The following PREX1 variants were observed in gnomAD, a reference collection of about 807,000 sequenced individuals.
PREX1 encodes the protein phosphatidylinositol 3,4,5-trisphosphate-dependent Rac exchanger 1 protein.
In PREX1, 41 loss-of-function variants were observed where a neutral mutation model predicts 198.3. The ratio of observed to expected loss-of-function variants is 0.21; its 90% CI spans 0.16 to 0.27. PREX1 has a LOEUF of 0.27. Ranked by LOEUF, PREX1 falls within the 10% of genes least tolerant of loss-of-function variation. The pLI, the probability that PREX1 is intolerant of heterozygous loss-of-function variation, is 1.00. For missense variants in PREX1, 1,620 were observed against 2,200.7 expected (o/e 0.74, Z 5.28); for synonymous variants, 843 against 887.2 (o/e 0.95, Z 0.89).
rs1238764997 is a variant in PREX1 at position 48,629,517 on chromosome 20, G to A, written c.4698C>T (p.Pro1566=). ...GGCGGTAGCAGAGCTCCGAGGAGAT[G>A]GGGATGAGGCCGGCGCCCACACTCC... The part of the protein sequence containing the change: ...AAGSVGAGLI[P]ISSELCYRLG... The change falls in exon 37 of 40, where the codon CCC becomes CCT. Residue 1566 remains proline (P), a synonymous_variant. Transcript: ENST00000371941. The A allele has an allele frequency of 6.2e-7, 1 of 1,614,000 alleles. No individual in the cohort carries two copies. Among genetic ancestry groups the A allele is most frequent in the Non-Finnish European group, 8.5e-7 (1 of 1,179,966 alleles).
At chr20:48,694,897 C>G (rs1397201269) in intron 7 of PREX1, among the ~76,000 whole-genome samples, 7 of 152,098 alleles carry the variant, frequency 4.6e-5, no homozygotes, top group Non-Finnish European at 1.0e-4. Flanking sequence ...GGACTAGAAC[C>G]AGAGGGGAGA....
chr20:48,881,548 A>G, the PREX1 span, among the ~76,000 whole-genome samples: 5 of 150,068 alleles, frequency 3.3e-5, no homozygotes, highest in African/African-American at 4.9e-5. Context: ...GTGCAATGGT[A>G]CGATCTCAGC....
rs1271901667 is a variant in PREX1, at chr20:48,827,349, T to C, written c.219+293A>G. Among the ~76,000 whole-genome samples the C allele has an allele frequency of 6.6e-6, 1 of 151,964 alleles. No homozygotes were observed. The highest frequency in any genetic ancestry group is 2.4e-5 in the African/African-American group (1 of 41,398). ...CCCCTGCATCGCGGATGTAACTAAT[T>C]TTAAAACTATTTGAAAGGCGGGGAC... On this transcript the variant is annotated intron_variant, in intron 1 of 39. Transcript: ENST00000371941. This position sits in a 1 kb window ranked among gnomAD's most constrained non-coding sequence, Gnocchi z 4.1.
chr20:48,710,335 C>A (rs1320328711), intron 5 of PREX1, among the ~76,000 whole-genome samples: 1 of 152,216 alleles, frequency 6.6e-6, no homozygotes, highest in African/African-American at 2.4e-5. Context: ...GGGCAAAGAA[C>A]AAGATGGTCC....
rs1168247790 is a variant in PREX1, at chr20:48,661,419, CA to C, written c.1739-1359del. 0.01 allele frequency among the ~76,000 whole-genome samples: 123 copies of C among 11,998 alleles called. No individual in the cohort carries two copies. In the East Asian group the frequency reaches 0.12, roughly 12 times the overall value. 7.9% of individuals were successfully genotyped at this position (11,998 alleles called of 152,430 possible). On this transcript the variant is annotated intron_variant, in intron 15 of 39. Coordinates refer to ENST00000371941, the MANE Select transcript of PREX1 (RefSeq NM_020820.4). ...GGGCAACAAGAGCAAAACTCCATCTCAAAAAAAAAAAAAAAAAAAAAAAAAA... is the reference window on the plus strand; with the variant it reads ...GGGCAACAAGAGCAAAACTCCATCTCAAAAAAAAAAAAAAAAAAAAAAAAA...
the PREX1 span, among the ~76,000 whole-genome samples, chr20:48,843,706 G>A: frequency 6.6e-6 from 1 of 152,190 alleles, no homozygotes; most frequent in African/African-American, 2.4e-5. Context: ...CAGTGAGAAA[G>A]CTGTTCTAAG....
At chr20:48,828,094 C>T (rs1348801119), upstream of PREX1, among the ~76,000 whole-genome samples, 1 of 148,254 alleles carries the variant, frequency 6.7e-6, no homozygotes, top group Non-Finnish European at 1.5e-5. Flanking sequence ...GACGGCTGGC[C>T]CCCCGCCCCC....
At position 48,692,676 on chromosome 20, in the gene PREX1, C is replaced by T. The variant is rs1217411822; in HGVS notation, c.1032G>A (p.Gly344=). 1.2e-6 allele frequency: 2 copies of T among 1,613,534 alleles called. No individual in the cohort carries two copies. The highest frequency in any genetic ancestry group is 1.7e-6 in the Non-Finnish European group (2 of 1,179,646). The change falls in exon 8 of 40, where the codon GGG becomes GGA. Residue 344 remains glycine (G), a synonymous_variant. Transcript: ENST00000371941. ...EVMEVENVED[G]TADYHSNGYT... ...CAAGGCTGGGGGAGGGGCTACCTGT[C>T]CCATCTTCCACATTCTCCACCTCCA... is the stretch of plus-strand genomic sequence containing the variant.
chr20:48,849,942 G>A, the PREX1 span, among the ~76,000 whole-genome samples: 6 of 152,100 alleles, frequency 3.9e-5, no homozygotes, highest in Non-Finnish European at 5.9e-5. Flanking sequence ...AGATGTTCTG[G>A]GTTCATATCA....
At chr20:48,637,623 C>T in intron 31 of PREX1, 88 bp downstream of exon 31, 3 of 1,329,848 alleles carry the variant, frequency 2.3e-6, no homozygotes, top group Middle Eastern at 2.7e-4. Context: ...TTGCCTCCCC[C>T]CGTCCAGGCC....
chr20:48,675,440 A>T (rs1237334535), intron 14 of PREX1, among the ~76,000 whole-genome samples: 1 of 152,256 alleles, frequency 6.6e-6, no homozygotes, highest in African/African-American at 2.4e-5. Flanking sequence ...ATTCAACCTT[A>T]AAAAGGAAGG....
intron 3 of PREX1, among the ~76,000 whole-genome samples, chr20:48,735,719 G>A (rs1015684531): frequency 2.0e-5 from 3 of 152,102 alleles, no homozygotes; most frequent in Admixed American, 6.5e-5. Context: ...GGTAACTACT[G>A]TAACAGACTC....
At chr20:48,633,436 T>C (rs1212633415) in intron 33 of PREX1, among the ~76,000 whole-genome samples, 1 of 152,074 alleles carries the variant, frequency 6.6e-6, no homozygotes, top group Non-Finnish European at 1.5e-5. Flanking sequence ...TTAGGAAAAA[T>C]TGACTAAAAA....
chr20:48,664,473 G>T (rs2089621221), intron 15 of PREX1, among the ~76,000 whole-genome samples: 1 of 152,158 alleles, frequency 6.6e-6, no homozygotes, highest in Non-Finnish European at 1.5e-5. Flanking sequence ...ACTGGGGAGG[G>T]GTCAACTGAG....
intron 5 of PREX1, among the ~76,000 whole-genome samples, chr20:48,720,664 G>A (rs1364110740): frequency 6.6e-6 from 1 of 151,972 alleles, no homozygotes; most frequent in Non-Finnish European, 1.5e-5. Flanking sequence ...GGAAAGCTAT[G>A]AGTAGTATAC....
At chr20:48,833,372 T>C in the PREX1 span, among the ~76,000 whole-genome samples, 4,308 of 152,158 alleles carry the variant, frequency 0.028, 205 homozygotes, top group African/African-American at 0.099. Context: ...GCCTCTAGAC[T>C]TCTTGTATTA....
intron 35 of PREX1, among the ~76,000 whole-genome samples, 177 bp from the exon 36 acceptor site, chr20:48,630,971 C>CG (rs370710033): frequency 5.3e-4 from 80 of 152,024 alleles, no homozygotes; most frequent in South Asian, 6.3e-4. Context: ...CTACAACAGC[C>CG]GGGGGGGAAA....
At position 48,827,966 on chromosome 20, in the gene PREX1, G is replaced by A. The variant is rs1427435395; in HGVS notation, c.-106C>T. 8 of 319,290 alleles carry A rather than the reference G, an allele frequency of 2.5e-5. No homozygotes were observed. Among genetic ancestry groups the A allele is most frequent in the Non-Finnish European group, 2.7e-5 (6 of 224,536 alleles). The allele number at this position is 319,290 out of a possible 1,614,324, so 19.8% of individuals were successfully genotyped here. ...GGCGCGCCGGCGGGCCGGGCTCAGC[G>A]GCGGGCCGGGCTCCCGGCGCGGCGG... On this transcript the variant is annotated 5_prime_UTR_variant, in exon 1 of 40. Transcript: ENST00000371941. This position sits in a 1 kb window ranked among gnomAD's most constrained non-coding sequence, Gnocchi z 4.1.
At chr20:48,678,814 A>G (rs1234746709) in intron 13 of PREX1, among the ~76,000 whole-genome samples, 1 of 152,050 alleles carries the variant, frequency 6.6e-6, no homozygotes, top group African/African-American at 2.4e-5. Flanking sequence ...CCTTTTCTTT[A>G]TAAATTACCC....
Sources: gnomAD v4.1 joint callset for allele counts (sites outside exome capture counted in the v4.1 genomes callset) on GRCh38, gnomAD v4.1.1 for gene constraint, Gnocchi (gnomAD v3.1) non-coding constraint, MANE v1.5 for transcripts, NCBI Gene and HGNC (gene_info 2026-07-23, HGNC 2026-07-21) for gene names.